The following NIPAL2 variants were observed in gnomAD, a reference collection of about 807,000 sequenced individuals.
NIPAL2 encodes the protein NIPA-like protein 2.
A neutral mutation model predicts 48.9 loss-of-function variants in NIPAL2; 43 were observed. The observed-to-expected ratio is 0.88, with a 90% CI of 0.69 to 1.13. The LOEUF is 1.13. NIPAL2 is among the 50% of genes most tolerant of loss of function. The pLI, the probability that NIPAL2 is intolerant of heterozygous loss-of-function variation, is 0.00. For synonymous variants in NIPAL2, 167 were observed against 174.6 expected (o/e 0.96, Z 0.34); for missense variants, 446 against 461.4 (o/e 0.97, Z 0.31).
At chr8:98,270,118 C>T (rs1281232325) in intron 1 of NIPAL2, among the ~76,000 whole-genome samples, 2 of 152,114 alleles carry the variant, frequency 1.3e-5, no homozygotes, top group African/African-American at 4.8e-5. Context: ...CATGTCTTTG[C>T]TATTGTGAAT....
Position 98,205,236 on chromosome 8 carries a change from A to C in NIPAL2, c.666T>G (p.Thr222=), listed in dbSNP as rs752516783. The C allele has an allele frequency of 2.1e-5, 34 of 1,606,882 alleles. No homozygotes were observed. Among genetic ancestry groups the C allele is most frequent in the Non-Finnish European group, 2.8e-5 (33 of 1,178,292 alleles). ...CTGAGACGGCCTTTACTGAAATAAC[A>C]GTCAATGAGGCTGAAAAAGAAAACA... is the stretch of plus-strand genomic sequence containing the variant. ...LTLVAILASL[T]VISVKAVSGM... is the part of the protein sequence containing the mutation. The change falls in exon 7 of 11, where the codon ACT becomes ACG. Residue 222 remains threonine (T), a synonymous_variant. Transcript: ENST00000430223.
At chr8:98,251,222 G>C (rs944518856) in intron 3 of NIPAL2, among the ~76,000 whole-genome samples, 2 of 151,950 alleles carry the variant, frequency 1.3e-5, no homozygotes, top group African/African-American at 4.8e-5. Context: ...CTAAAGATCA[G>C]CATGACATAC....
chr8:98,283,136 A>G (rs1293223825), intron 1 of NIPAL2, among the ~76,000 whole-genome samples: 2 of 152,238 alleles, frequency 1.3e-5, no homozygotes, highest in Non-Finnish European at 2.9e-5. Context: ...GCAATTAAGA[A>G]CGATTACATT....
At chr8:98,193,431 T>G in intron 10 of NIPAL2, 2 of 1,613,844 alleles carry the variant, frequency 1.2e-6, no homozygotes, top group Non-Finnish European at 8.5e-7. Context: ...CCACGTCGAA[T>G]GCATATAACA....
Position 98,252,546 on chromosome 8 carries a change from G to C in NIPAL2, c.293C>G (p.Ala98Gly). 1 of 1,614,024 alleles carries C rather than the reference G, an allele frequency of 6.2e-7. No individual in the cohort carries two copies. Among genetic ancestry groups the C allele is most frequent in the Non-Finnish European group, 8.5e-7 (1 of 1,179,994 alleles). ...VLWWGGVLLM[A>G]VGETGNFAAY... ...TGCAAAGTTCCCCGTCTCTCCCACG[G>C]CCATCAGCAGGACACCACCCCACCA... The change falls in exon 3 of 11, where the codon GCC (alanine) becomes GGC (glycine). Residue 98 changes from alanine (A) to glycine (G), a missense_variant. Transcript: ENST00000430223.
At chr8:98,202,975 T>C (rs1314405623) in intron 8 of NIPAL2, 133 bp downstream of exon 8, 5 of 679,606 alleles carry the variant, frequency 7.4e-6, no homozygotes, top group Middle Eastern at 3.5e-4. Context: ...AAGATTGTCA[T>C]AGGGGAAATT....
At chr8:98,265,757 T>G (rs1317805554) in intron 1 of NIPAL2, among the ~76,000 whole-genome samples, 1 of 137,520 alleles carries the variant, frequency 7.3e-6, no homozygotes, top group Non-Finnish European at 1.6e-5. Flanking sequence ...GGAAATACCA[T>G]TTGACCCAGC....
chr8:98,284,793 C>T (rs1816062901), intron 1 of NIPAL2, among the ~76,000 whole-genome samples: 1 of 152,102 alleles, frequency 6.6e-6, no homozygotes, highest in Admixed American at 6.5e-5. Flanking sequence ...CTCTATACAG[C>T]ATTATATTTT....
intron 3 of NIPAL2, among the ~76,000 whole-genome samples, chr8:98,244,919 A>G (rs1228630682): frequency 6.6e-6 from 1 of 152,150 alleles, no homozygotes; most frequent in Non-Finnish European, 1.5e-5. Flanking sequence ...AATTTCATCC[A>G]TTTTCATTTC....
At chr8:98,273,645 C>T (rs1815272587) in intron 1 of NIPAL2, among the ~76,000 whole-genome samples, 1 of 152,060 alleles carries the variant, frequency 6.6e-6, no homozygotes, top group Non-Finnish European at 1.5e-5. Context: ...AGTCTCTTCT[C>T]CCTCTCAGAG....
Position 98,226,350 on chromosome 8 carries a change from C to T in NIPAL2, c.437-3750G>A, listed in dbSNP as rs554347892. On this transcript the variant is annotated intron_variant, in intron 4 of 10. Transcript: ENST00000430223. Reference sequence around the variant, plus strand: ...TTTGCAGTCAGGGCTTGTTTGTACCCATCCTTCTTTGGAAGGCTTTCTGGG... The same window carrying T: ...TTTGCAGTCAGGGCTTGTTTGTACCTATCCTTCTTTGGAAGGCTTTCTGGG... Among the ~76,000 whole-genome samples the T allele has an allele frequency of 2.6e-5, 4 of 152,166 alleles. No homozygotes were observed. In the South Asian group the frequency reaches 8.3e-4, roughly 32 times the overall value.
chr8:98,225,304 T>G (rs1280973690), intron 4 of NIPAL2, among the ~76,000 whole-genome samples: 1 of 152,234 alleles, frequency 6.6e-6, no homozygotes, highest in African/African-American at 2.4e-5. Flanking sequence ...GTATGCACAT[T>G]TTTCATAAGT....
At chr8:98,266,049 G>A (rs1280471850) in intron 1 of NIPAL2, among the ~76,000 whole-genome samples, 98 of 147,254 alleles carry the variant, frequency 6.7e-4, no homozygotes, top group Admixed American at 1.4e-3. Flanking sequence ...ACCAAACACC[G>A]CATATTCTCA....
At chr8:98,220,642 C>T (rs769750165) in intron 5 of NIPAL2, among the ~76,000 whole-genome samples, 8 of 152,088 alleles carry the variant, frequency 5.3e-5, no homozygotes, top group Admixed American at 1.3e-4. Context: ...CTCCTGGGCT[C>T]GAGTGATTCT....
intron 10 of NIPAL2, among the ~76,000 whole-genome samples, chr8:98,194,395 C>A (rs1291964055): frequency 6.6e-6 from 1 of 152,022 alleles, no homozygotes; most frequent in Non-Finnish European, 1.5e-5. Context: ...TCCTTCAAGG[C>A]TCTCAAAGTG....
At chr8:98,220,438 T>C (rs1422607066) in intron 5 of NIPAL2, among the ~76,000 whole-genome samples, 1 of 149,120 alleles carries the variant, frequency 6.7e-6, no homozygotes, top group African/African-American at 2.5e-5. Context: ...TGAGACAGGG[T>C]CTCACTCTGT....
intron 3 of NIPAL2, among the ~76,000 whole-genome samples, chr8:98,240,117 G>T (rs1049370162): frequency 1.3e-5 from 2 of 152,164 alleles, no homozygotes; most frequent in Non-Finnish European, 2.9e-5. Flanking sequence ...GAACATAGCT[G>T]TAAATTAAAC....
At chr8:98,267,548 G>A (rs533384445) in intron 1 of NIPAL2, among the ~76,000 whole-genome samples, 5 of 152,134 alleles carry the variant, frequency 3.3e-5, no homozygotes, top group African/African-American at 1.2e-4. Context: ...TCAAACACCT[G>A]GGCTCCAGTG....
chr8:98,209,946 A>G (rs1811228765), intron 6 of NIPAL2, among the ~76,000 whole-genome samples: 1 of 152,028 alleles, frequency 6.6e-6, no homozygotes, highest in Admixed American at 6.6e-5. Flanking sequence ...TATTTCCTCC[A>G]TAGTTATTTT....
Sources: gnomAD v4.1 joint callset for allele counts (sites outside exome capture counted in the v4.1 genomes callset) on GRCh38, gnomAD v4.1.1 for gene constraint, MANE v1.5 for transcripts, NCBI Gene and HGNC (gene_info 2026-07-23, HGNC 2026-07-21) for gene names.